Variants in RASA1 observed in about 807,000 individuals in gnomAD.
RASA1 encodes the protein ras GTPase-activating protein 1.
A neutral mutation model predicts 132.2 loss-of-function variants in RASA1; 25 were observed. The ratio of observed to expected loss-of-function variants is 0.19; its 90% CI spans 0.14 to 0.26. The LOEUF (loss-of-function observed/expected upper bound fraction) is 0.26. RASA1 is among the 10% of genes least tolerant of loss of function. The pLI is 1.00. For missense variants in RASA1, 964 were observed against 1,299.2 expected (o/e 0.74, Z 3.97); for synonymous variants, 477 against 449.9 (o/e 1.06, Z -0.76).
At chr5:87,318,402 A>G (rs774363943) in intron 1 of RASA1, 1 of 152,212 alleles carries the variant, frequency 6.6e-6, no homozygotes, top group East Asian at 1.9e-4. Flanking sequence ...ATAAATAACT[A>G]CCTGAGACTG....
chr5:87,360,567 CTA>C (rs1162333054), intron 9 of RASA1, among the ~76,000 whole-genome samples: 24 of 152,132 alleles, frequency 1.6e-4, no homozygotes, highest in African/African-American at 5.3e-4. Flanking sequence ...TTTACAATTT[CTA>C]TATGTTTACT....
intron 4 of RASA1, among the ~76,000 whole-genome samples, chr5:87,335,870 C>T (rs370620557): frequency 5.8e-4 from 89 of 152,222 alleles, no homozygotes; most frequent in Middle Eastern, 6.8e-3. Context: ...GCAAGATAGA[C>T]CAATAGATGT....
chr5:87,317,108 C>T (rs560712505), intron 1 of RASA1, among the ~76,000 whole-genome samples: 2 of 152,220 alleles, frequency 1.3e-5, no homozygotes, highest in South Asian at 4.1e-4. Flanking sequence ...TTCTTAAGTT[C>T]CCGGCCTCAT....
intron 1 of RASA1, among the ~76,000 whole-genome samples, chr5:87,325,069 C>T (rs931325633): frequency 4.6e-5 from 7 of 152,070 alleles, no homozygotes; most frequent in South Asian, 2.1e-4. Flanking sequence ...CTCATAGTTC[C>T]GCAGGGCTGG....
chr5:87,350,117 A>G (rs1398963713), intron 8 of RASA1, among the ~76,000 whole-genome samples: 3 of 151,886 alleles, frequency 2.0e-5, no homozygotes, highest in Non-Finnish European at 4.4e-5. Flanking sequence ...TTGTCAAACT[A>G]GACATTTGAG....
intron 1 of RASA1, among the ~76,000 whole-genome samples, chr5:87,272,413 A>G (rs1001864847): frequency 6.6e-6 from 1 of 152,118 alleles, no homozygotes; most frequent in Non-Finnish European, 1.5e-5. Flanking sequence ...AAGCGTGCAG[A>G]TTCTGAAGTT....
intron 7 of RASA1, among the ~76,000 whole-genome samples, chr5:87,348,640 A>ATT (rs1004683068): frequency 6.9e-6 from 1 of 145,468 alleles, no homozygotes. Context: ...TTACTTTTTA[A>ATT]TTTTTTTTTT....
intron 7 of RASA1, among the ~76,000 whole-genome samples, chr5:87,348,584 G>GAATC (rs2112419576): frequency 6.6e-6 from 1 of 151,678 alleles, no homozygotes; most frequent in South Asian, 2.1e-4. Flanking sequence ...CAGTTGTTTT[G>GAATC]AATCTACCTT....
chr5:87,350,164 A>C (rs1389143731), intron 8 of RASA1, among the ~76,000 whole-genome samples: 2 of 151,844 alleles, frequency 1.3e-5, no homozygotes, highest in Non-Finnish European at 2.9e-5. Flanking sequence ...TCTGAAAAAA[A>C]CCAAAAAACA....
At chr5:87,320,662 C>G (rs1247113792) in intron 1 of RASA1, among the ~76,000 whole-genome samples, 1 of 152,190 alleles carries the variant, frequency 6.6e-6, no homozygotes, top group Non-Finnish European at 1.5e-5. Context: ...CACCTACCAC[C>G]AGGTCCCTCC....
At chr5:87,285,887 G>A (rs1414607205) in intron 1 of RASA1, among the ~76,000 whole-genome samples, 1 of 152,012 alleles carries the variant, frequency 6.6e-6, no homozygotes, top group Non-Finnish European at 1.5e-5. Context: ...CCAGAGTGCT[G>A]GGATTACAGG....
intron 14 of RASA1, 58 bp downstream of exon 14, chr5:87,374,378 C>T (rs2112485234): frequency 1.3e-6 from 2 of 1,509,404 alleles, no homozygotes; most frequent in Middle Eastern, 1.9e-4. Context: ...GCATTTCTTT[C>T]TGTTTTTTTG....
intron 9 of RASA1, 90 bp from the exon 10 acceptor site, chr5:87,362,461 C>A (rs934262116): frequency 1.5e-6 from 2 of 1,301,796 alleles, no homozygotes; most frequent in Non-Finnish European, 2.2e-6. Flanking sequence ...GTATTTTAAG[C>A]GCTTTGGCTT....
At chr5:87,305,887 A>G (rs889185060) in intron 1 of RASA1, among the ~76,000 whole-genome samples, 3 of 152,256 alleles carry the variant, frequency 2.0e-5, no homozygotes, top group Non-Finnish European at 4.4e-5. Flanking sequence ...AAAGCTCAAC[A>G]TCACTGATCA....
intron 1 of RASA1, among the ~76,000 whole-genome samples, chr5:87,271,452 CTTT>C (rs201918763): frequency 2.4e-3 from 91 of 38,174 alleles, no homozygotes; most frequent in African/African-American, 0.01. Context: ...TAGTAGACTT[CTTT>C]TTTTTTTTTT....
chr5:87,323,411 G>A (rs895268311), intron 1 of RASA1, among the ~76,000 whole-genome samples: 6 of 152,168 alleles, frequency 3.9e-5, no homozygotes, highest in Non-Finnish European at 7.4e-5. Flanking sequence ...GAACTTTTGA[G>A]GGAGAGAGTG....
At chr5:87,317,933 G>C (rs1756470244) in intron 1 of RASA1, among the ~76,000 whole-genome samples, 1 of 152,004 alleles carries the variant, frequency 6.6e-6, no homozygotes. Context: ...ACCGCGCCCA[G>C]CCGTTTTTCT....
At chr5:87,269,426 ATTTG>A in intron 1 of RASA1, 1 of 1,047,998 alleles carries the variant, frequency 9.5e-7, no homozygotes, top group Non-Finnish European at 1.4e-6. Flanking sequence ...TATAGTAATA[ATTTG>A]AAAAATGTAT....
At chr5:87,272,777 A>G (rs902303721) in intron 1 of RASA1, among the ~76,000 whole-genome samples, 2 of 152,198 alleles carry the variant, frequency 1.3e-5, no homozygotes, top group Non-Finnish European at 2.9e-5. Flanking sequence ...ATTTTATTTT[A>G]ACTTTATAAG....
Sources: allele counts gnomAD v4.1 joint callset (sites outside exome capture counted in the v4.1 genomes callset), GRCh38; gene constraint gnomAD v4.1.1; transcripts MANE v1.5; gene names NCBI Gene and HGNC (gene_info 2026-07-23, HGNC 2026-07-21).